The following MAPKAPK3 variants were observed in gnomAD, a reference collection of about 807,000 sequenced individuals.
MAPKAPK3 encodes MAP kinase-activated protein kinase 3.
Under a neutral mutation model 49.2 loss-of-function variants are expected in MAPKAPK3, and 35 were observed. That is an observed-to-expected ratio of 0.71 (90% CI 0.54 to 0.94). The LOEUF is 0.94. MAPKAPK3 is among the 40% of genes least tolerant of loss of function. MAPKAPK3 has a pLI of 0.00. For missense variants in MAPKAPK3, 398 were observed against 493.1 expected, an observed-to-expected ratio of 0.81 and a Z score of 1.83; for synonymous variants, 178 against 188.7, an observed-to-expected ratio of 0.94 and a Z score of 0.46.
At chr3:50,635,948 C>CAA (rs1179334515) in intron 2 of MAPKAPK3, among the ~76,000 whole-genome samples, 1 of 95,210 alleles carries the variant, frequency 1.1e-5, no homozygotes, top group Non-Finnish European at 2.3e-5. Flanking sequence ...AAAAAAAAAC[C>CAA]AAAAAAAAAA....
At chr3:50,633,896 C>A (rs1442059077) in intron 2 of MAPKAPK3, among the ~76,000 whole-genome samples, 1 of 152,228 alleles carries the variant, frequency 6.6e-6, no homozygotes, top group African/African-American at 2.4e-5. Flanking sequence ...CACAAGTAAA[C>A]CCTGTCCTTG....
intron 2 of MAPKAPK3, among the ~76,000 whole-genome samples, chr3:50,618,972 AG>A (rs1411900001): frequency 5.9e-5 from 9 of 152,206 alleles, no homozygotes; most frequent in Non-Finnish European, 1.2e-4. Context: ...TACAGGCGTG[AG>A]CCACCGTGCC....
intron 3 of MAPKAPK3, 131 bp downstream of exon 3, chr3:50,640,636 A>C (rs778287124): frequency 9.9e-5 from 115 of 1,162,576 alleles, no homozygotes; most frequent in Non-Finnish European, 1.4e-4. Context: ...CCTGAGGGGC[A>C]ATGGAGCAGG....
intron 3 of MAPKAPK3, 119 bp from the exon 4 acceptor site, chr3:50,641,587 GT>G: frequency 1.2e-6 from 1 of 802,518 alleles, no homozygotes; most frequent in Admixed American, 2.0e-5. Flanking sequence ...GACAGTGGCT[GT>G]TCAGTAGGGG....
intron 3 of MAPKAPK3, among the ~76,000 whole-genome samples, chr3:50,641,432 C>A (rs1278148303): frequency 6.6e-6 from 1 of 152,166 alleles, no homozygotes; most frequent in Non-Finnish European, 1.5e-5. Context: ...CCCTCACAGT[C>A]AGGTAGGGGC....
At chr3:50,611,691 G>GGAC, upstream of MAPKAPK3, 1 of 1,458,850 alleles carries the variant, frequency 6.9e-7, no homozygotes, top group Non-Finnish European at 9.0e-7. Flanking sequence ...GGACTCGGCT[G>GGAC]GACGGCGGCG....
intron 2 of MAPKAPK3, among the ~76,000 whole-genome samples, chr3:50,625,489 T>G (rs1173517145): frequency 6.6e-6 from 1 of 152,170 alleles, no homozygotes; most frequent in Non-Finnish European, 1.5e-5. Flanking sequence ...GAGGTTTGGC[T>G]TAGAGCAGGA....
chr3:50,640,621 T>A, intron 3 of MAPKAPK3, 116 bp downstream of exon 3: 1 of 1,329,348 alleles, frequency 7.5e-7, no homozygotes. Flanking sequence ...GGTGCCACTG[T>A]AGCCCCTGAG....
intron 2 of MAPKAPK3, among the ~76,000 whole-genome samples, chr3:50,628,508 T>G (rs2032816251): frequency 6.6e-6 from 1 of 152,190 alleles, no homozygotes; most frequent in Non-Finnish European, 1.5e-5. Context: ...AAAACCAGGG[T>G]AAAGTTTCAC....
At chr3:50,612,003 A>G (rs1478833793) in exon 1 of MAPKAPK3, 1 of 308,816 alleles carries the variant, frequency 3.2e-6, no homozygotes, top group Non-Finnish European at 6.0e-6. Flanking sequence ...GATTTCCAAG[A>G]ACTTTCCAGG....
At chr3:50,632,521 C>T (rs1343164516) in intron 2 of MAPKAPK3, among the ~76,000 whole-genome samples, 4 of 152,198 alleles carry the variant, frequency 2.6e-5, no homozygotes, top group African/African-American at 9.7e-5. Context: ...TGGAGGGCCT[C>T]AAGGGGTGGT....
At chr3:50,619,388 G>A (rs2107572311) in intron 2 of MAPKAPK3, among the ~76,000 whole-genome samples, 1 of 152,284 alleles carries the variant, frequency 6.6e-6, no homozygotes, top group Admixed American at 6.5e-5. Context: ...GTGGGGCTGG[G>A]CCCCAGGTAT....
chr3:50,642,136 G>A (rs1239966926), intron 4 of MAPKAPK3, 117 bp from the exon 5 acceptor site: 3 of 723,782 alleles, frequency 4.1e-6, no homozygotes, highest in Admixed American at 2.1e-5. Context: ...TAGCAGGAGT[G>A]CTGTCACTGT....
At position 50,637,809 on chromosome 3, in the gene MAPKAPK3, G is replaced by A. The variant is rs1331438727; in HGVS notation, c.220-2557G>A. Reference sequence around the variant, plus strand: ...AAGAGGGAGTTGACCCAACAGAGAGGATGAGGCAAGAATGCACATGACAGG... The same window carrying A: ...AAGAGGGAGTTGACCCAACAGAGAGAATGAGGCAAGAATGCACATGACAGG... On this transcript the variant is annotated intron_variant, in intron 2 of 10. Coordinates refer to ENST00000621469, the MANE Select transcript of MAPKAPK3 (RefSeq NM_001243925.2). 4.6e-5 allele frequency among the ~76,000 whole-genome samples: 7 copies of A among 152,194 alleles called. 1 individual carries two copies. In the South Asian group the frequency reaches 1.5e-3, roughly 32 times the overall value.
Position 50,637,496 on chromosome 3 carries a change from G to A in MAPKAPK3, c.220-2870G>A, listed in dbSNP as rs190992572. On this transcript the variant is annotated intron_variant, in intron 2 of 10. Transcript: ENST00000621469. ...CTAAAAATGCAAAAAATAGCTGGGC[G>A]TGGTGGCGGGCACCTGTAGTCCCAG... Among the ~76,000 whole-genome samples the A allele has an allele frequency of 2.7e-3, 418 of 152,118 alleles. 1 individual carries two copies. Among genetic ancestry groups the A allele is most frequent in the Non-Finnish European group, 4.7e-3 (320 of 67,966 alleles).
chr3:50,625,093 T>C (rs1413559533), intron 2 of MAPKAPK3, among the ~76,000 whole-genome samples: 1 of 152,166 alleles, frequency 6.6e-6, no homozygotes, highest in Middle Eastern at 3.2e-3. Context: ...CTAAAGGCAG[T>C]TTCATAATCT....
intron 2 of MAPKAPK3, among the ~76,000 whole-genome samples, chr3:50,630,382 C>A (rs555806608): frequency 3.3e-5 from 5 of 152,182 alleles, no homozygotes; most frequent in Admixed American, 6.5e-5. Context: ...CATGGGCAGG[C>A]CTGTACAGTT....
At chr3:50,646,372 C>A in intron 8 of MAPKAPK3, 108 bp downstream of exon 8, 1 of 1,493,846 alleles carries the variant, frequency 6.7e-7, no homozygotes, top group Non-Finnish European at 9.2e-7. Flanking sequence ...CTTGGCTCCC[C>A]CTCTTTCCAG....
At chr3:50,617,112 T>TGGGGGGGGGG (rs1293236414), upstream of MAPKAPK3, 1 of 4,418 alleles carries the variant, frequency 2.3e-4, no homozygotes, top group Non-Finnish European at 5.1e-4. Context: ...GAGGGGGGGG[T>TGGGGGGGGGG]GGGGAGGGGG....
Sources: gnomAD v4.1 joint callset for allele counts (sites outside exome capture counted in the v4.1 genomes callset) on GRCh38, gnomAD v4.1.1 for gene constraint, MANE v1.5 for transcripts, NCBI Gene and HGNC (gene_info 2026-07-23, HGNC 2026-07-21) for gene names.